Variants in ZNRF1 observed in about 807,000 individuals in gnomAD.
The protein encoded by ZNRF1 is zinc and ring finger 1, also known as E3 ubiquitin-protein ligase ZNRF1.
A neutral mutation model predicts 18.4 loss-of-function variants in ZNRF1; 3 were observed. That is an observed-to-expected ratio of 0.16 (90% confidence interval 0.07 to 0.42). ZNRF1 has a LOEUF of 0.42. Ranked by LOEUF, ZNRF1 falls within the 10% of genes least tolerant of loss-of-function variation. The probability of loss-of-function intolerance (pLI) is 0.99; values close to 1 mark genes in which losing one functional copy is unlikely to be tolerated. For missense variants in ZNRF1, 310 were observed against 329.8 expected, an observed-to-expected ratio of 0.94 and a Z score of 0.47; for synonymous variants, 157 against 144.2, an observed-to-expected ratio of 1.09 and a Z score of -0.64.
intron 1 of ZNRF1, among the ~76,000 whole-genome samples, chr16:75,055,020 G>C (rs1469412011): frequency 6.6e-6 from 1 of 152,208 alleles, no homozygotes; most frequent in African/African-American, 2.4e-5. Flanking sequence ...CAGCTCTCTA[G>C]AACAAATTCA....
intron 1 of ZNRF1, among the ~76,000 whole-genome samples, chr16:75,089,007 C>T (rs1479705815): frequency 1.3e-5 from 2 of 152,168 alleles, no homozygotes; most frequent in African/African-American, 2.4e-5. Context: ...GTGGACTCTG[C>T]ATAGCCCATG....
intron 1 of ZNRF1, among the ~76,000 whole-genome samples, chr16:75,059,220 T>C (rs1278474702): frequency 7.0e-6 from 1 of 142,082 alleles, no homozygotes; most frequent in Non-Finnish European, 1.5e-5. Context: ...CTTCTTTCCT[T>C]CTTTCTTTCT....
At chr16:75,099,321 G>C (rs1402736627) in intron 2 of ZNRF1, among the ~76,000 whole-genome samples, 8 of 152,172 alleles carry the variant, frequency 5.3e-5, no homozygotes, top group Non-Finnish European at 4.4e-5. Flanking sequence ...TCTTTGCTTT[G>C]ACAAATAGCA....
In ZNRF1 at chr16:75,045,602, C is replaced by T. The variant is rs9922627; in HGVS notation, c.424+45507C>T. Among the ~76,000 whole-genome samples, 1,501 of 152,092 alleles carry T rather than the reference C, an allele frequency of 9.9e-3. 17 individuals are homozygous for T. The highest frequency in any genetic ancestry group is 0.028 in the African/African-American group (1,158 of 41,502). ...TTGTTTTTTAAGAGACAGGGTCTTG[C>T]TGTGTTGCCCAGGCTGGCCTCCTGC... On this transcript the variant is annotated intron_variant, in intron 1 of 4. Transcript: ENST00000335325.
Position 75,013,722 on chromosome 16 carries a change from A to G in ZNRF1, c.424+13627A>G, listed in dbSNP as rs535526459. Among the ~76,000 whole-genome samples, 9 of 152,282 alleles carry G rather than the reference A, an allele frequency of 5.9e-5. No homozygotes were observed. The Middle Eastern group carries it at 0.02, about 345-fold the overall frequency. On this transcript the variant is annotated intron_variant, in intron 1 of 4. Transcript: ENST00000335325. Reference sequence around the variant, plus strand: ...AATGGAAAAGTCAGAGATTTGTGCTATTTCAATTTGGTTCACTTGTACATT... The same window carrying G: ...AATGGAAAAGTCAGAGATTTGTGCTGTTTCAATTTGGTTCACTTGTACATT...
chr16:75,094,810 C>T (rs2036179032), intron 2 of ZNRF1, among the ~76,000 whole-genome samples: 1 of 152,226 alleles, frequency 6.6e-6, no homozygotes, highest in South Asian at 2.1e-4. Context: ...CATCAGAAAA[C>T]GGCATCTTCC....
intron 1 of ZNRF1, among the ~76,000 whole-genome samples, chr16:75,092,919 G>C (rs2036156581): frequency 6.6e-6 from 1 of 152,306 alleles, no homozygotes; most frequent in East Asian, 1.9e-4. Flanking sequence ...GCTGTTTCCA[G>C]GTGCCTTGGT....
intron 1 of ZNRF1, among the ~76,000 whole-genome samples, chr16:75,068,188 TAAA>T (rs57755915): frequency 0.1 from 8,864 of 88,940 alleles, 435 homozygotes; most frequent in Admixed American, 0.16. Context: ...GACCTTGTCT[TAAA>T]AAAAAAAAAA....
intron 1 of ZNRF1, among the ~76,000 whole-genome samples, chr16:75,064,585 A>G (rs190365933): frequency 9.9e-5 from 15 of 150,850 alleles, no homozygotes; most frequent in Admixed American, 6.6e-4. Context: ...AAGCGTGCTT[A>G]GAGCAGAGGT....
At chr16:75,031,338 G>T (rs1261737354) in intron 1 of ZNRF1, among the ~76,000 whole-genome samples, 1 of 151,356 alleles carries the variant, frequency 6.6e-6, no homozygotes, top group Non-Finnish European at 1.5e-5. Flanking sequence ...CACCATGTTG[G>T]TCAGGATGGT....
chr16:75,101,765 T>G (rs1382414346), intron 2 of ZNRF1, among the ~76,000 whole-genome samples: 1 of 152,234 alleles, frequency 6.6e-6, no homozygotes, highest in Non-Finnish European at 1.5e-5. Flanking sequence ...CTCCAAGTCC[T>G]CCTTTCCTCT....
chr16:75,055,037 C>T (rs147109902), intron 1 of ZNRF1, among the ~76,000 whole-genome samples: 13 of 152,298 alleles, frequency 8.5e-5, no homozygotes, highest in Admixed American at 3.3e-4. Context: ...TTCAGAAAGA[C>T]GGCCCTTTGT....
At chr16:75,018,759 AT>A (rs796920501) in intron 1 of ZNRF1, among the ~76,000 whole-genome samples, 1 of 152,194 alleles carries the variant, frequency 6.6e-6, no homozygotes, top group African/African-American at 2.4e-5. Context: ...GTTGTGATGT[AT>A]TTTTTTAATA....
At chr16:75,001,376 G>A (rs983739387) in intron 1 of ZNRF1, among the ~76,000 whole-genome samples, 4 of 151,936 alleles carry the variant, frequency 2.6e-5, no homozygotes. Context: ...GAAACGATTA[G>A]TGACTAATTT....
chr16:75,072,097 G>A (rs954953050), intron 1 of ZNRF1, among the ~76,000 whole-genome samples: 9 of 151,704 alleles, frequency 5.9e-5, no homozygotes, highest in African/African-American at 2.2e-4. Context: ...ATGCCGCCAC[G>A]CCCAGTTAAT....
rs571490378 is a variant in ZNRF1 at position 75,046,362 on chromosome 16, G to T, written c.424+46267G>T. ...TGCCTCCTGGGTTCAAGTGATTCTC[G>T]TACCTCAGCCTCCCAAGTAGCTGGG... On this transcript the variant is annotated intron_variant, in intron 1 of 4. Transcript: ENST00000335325. Among the ~76,000 whole-genome samples the T allele has an allele frequency of 2.0e-4, 30 of 146,846 alleles. 1 individual carries two copies. Among genetic ancestry groups the T allele is most frequent in the Admixed American group, 1.8e-3 (26 of 14,746 alleles).
At position 75,089,069 on chromosome 16, in the gene ZNRF1, T is replaced by A. The variant is rs370474042; in HGVS notation, c.425-4503T>A. On this transcript the variant is annotated intron_variant, in intron 1 of 4. Transcript: ENST00000335325. The stretch of plus-strand genomic sequence containing the variant: ...AGGATGGAAAAGCCAGGTCATCATG[T>A]GATTTCCCACTCGCATAATAGACAC... Among the ~76,000 whole-genome samples, 20 of 152,122 alleles carry A rather than the reference T, an allele frequency of 1.3e-4. 2 individuals carry two copies. Among genetic ancestry groups the A allele is most frequent in the Admixed American group, 1.1e-3 (17 of 15,276 alleles).
chr16:75,018,038 C>T (rs2035093716), intron 1 of ZNRF1, among the ~76,000 whole-genome samples: 1 of 152,156 alleles, frequency 6.6e-6, no homozygotes, highest in African/African-American at 2.4e-5. Flanking sequence ...TAAAGTGAAG[C>T]TAACAATAAT....
chr16:75,050,881 A>C (rs2035588870), intron 1 of ZNRF1, among the ~76,000 whole-genome samples: 1 of 118,412 alleles, frequency 8.4e-6, no homozygotes, highest in African/African-American at 3.7e-5. Flanking sequence ...AAAAAAAAAA[A>C]AAAAAAACAA....
Sources: gnomAD v4.1 joint callset for allele counts (sites outside exome capture counted in the v4.1 genomes callset) on GRCh38, gnomAD v4.1.1 for gene constraint, MANE v1.5 for transcripts, NCBI Gene and HGNC (gene_info 2026-07-23, HGNC 2026-07-21) for gene names.